The following GALNT13 variants were observed in gnomAD, a reference collection of about 807,000 sequenced individuals.
GALNT13 encodes UDP-GalNAc:polypeptide N-acetylgalactosaminyltransferase 13.
GALNT13 carries 28 observed loss-of-function variants against 64.2 expected under a neutral mutation model. The ratio of observed to expected loss-of-function variants is 0.44; its 90% confidence interval spans 0.32 to 0.60. The LOEUF (loss-of-function observed/expected upper bound fraction) is 0.60. Among genes scored for constraint, GALNT13 ranks in the 20% least tolerant of loss-of-function variants. The pLI is 0.05. For missense variants in GALNT13, 577 were observed against 669.8 expected, an observed-to-expected ratio of 0.86 and a Z score of 1.53; for synonymous variants, 214 against 224.6, an observed-to-expected ratio of 0.95 and a Z score of 0.42.
At chr2:153,826,204 G>A in the GALNT13 span, among the ~76,000 whole-genome samples, 2 of 152,108 alleles carry the variant, frequency 1.3e-5, no homozygotes, top group African/African-American at 2.4e-5. Context: ...GTGGTGCAGG[G>A]TATCACATGA....
the GALNT13 span, among the ~76,000 whole-genome samples, chr2:153,651,415 G>A: frequency 2.0e-3 from 308 of 152,222 alleles, 2 homozygotes; most frequent in African/African-American, 7.0e-3. Flanking sequence ...GTGATTGAAT[G>A]AACAAAAATA....
the GALNT13 span, among the ~76,000 whole-genome samples, chr2:153,197,403 C>T: frequency 6.6e-6 from 1 of 152,190 alleles, no homozygotes; most frequent in Non-Finnish European, 1.5e-5. Context: ...GAGGCAAGCT[C>T]CAGGCATCCA....
the GALNT13 span, among the ~76,000 whole-genome samples, chr2:153,731,339 A>G: frequency 6.6e-6 from 1 of 151,836 alleles, no homozygotes; most frequent in East Asian, 1.9e-4. Flanking sequence ...AATAGATATC[A>G]GAGATTGCAA....
At chr2:154,428,260 A>C (rs1700554183) in intron 11 of GALNT13, among the ~76,000 whole-genome samples, 1 of 152,190 alleles carries the variant, frequency 6.6e-6, no homozygotes, top group East Asian at 1.9e-4. Context: ...GACCTCCGTC[A>C]CTAAGCAGCT....
intron 3 of GALNT13, among the ~76,000 whole-genome samples, chr2:154,021,942 T>G (rs1189130303): frequency 1.3e-5 from 2 of 152,166 alleles, no homozygotes; most frequent in Non-Finnish European, 2.9e-5. Flanking sequence ...AGGCCTTTTC[T>G]GCATCTATTG....
the GALNT13 span, among the ~76,000 whole-genome samples, chr2:153,487,347 T>C: frequency 6.6e-6 from 1 of 152,254 alleles, no homozygotes; most frequent in Non-Finnish European, 1.5e-5. Context: ...AAAGTCAATG[T>C]GATGGATGTC....
chr2:154,182,546 T>G (rs1686016694), intron 4 of GALNT13, among the ~76,000 whole-genome samples: 1 of 151,596 alleles, frequency 6.6e-6, no homozygotes, highest in Non-Finnish European at 1.5e-5. Flanking sequence ...TAAAAATTAT[T>G]GAGGAACCCA....
At chr2:153,629,729 A>C in the GALNT13 span, among the ~76,000 whole-genome samples, 10 of 151,416 alleles carry the variant, frequency 6.6e-5, 1 homozygote, top group South Asian at 4.2e-4. Context: ...AATGGGAGAA[A>C]ATTTTCGCAA....
the GALNT13 span, among the ~76,000 whole-genome samples, chr2:153,567,188 C>T: frequency 1.3e-5 from 2 of 152,154 alleles, no homozygotes; most frequent in Non-Finnish European, 2.9e-5. Flanking sequence ...CTGAGCATGA[C>T]TGAGACCAAA....
the GALNT13 span, among the ~76,000 whole-genome samples, chr2:153,108,720 G>A: frequency 6.6e-6 from 1 of 152,062 alleles, no homozygotes; most frequent in African/African-American, 2.4e-5. Flanking sequence ...AGAAGTTGTA[G>A]TATCAAAAGA....
At chr2:153,371,269 T>C in the GALNT13 span, among the ~76,000 whole-genome samples, 1 of 152,204 alleles carries the variant, frequency 6.6e-6, no homozygotes, top group Non-Finnish European at 1.5e-5. Context: ...CCCTCTAAGT[T>C]CTAGAACAAG....
the GALNT13 span, among the ~76,000 whole-genome samples, chr2:153,640,044 A>C: frequency 6.6e-6 from 1 of 152,138 alleles, no homozygotes; most frequent in African/African-American, 2.4e-5. Context: ...AGGGTGAAGC[A>C]GTTGCCAATT....
At chr2:153,591,109 A>G in the GALNT13 span, among the ~76,000 whole-genome samples, 1 of 152,080 alleles carries the variant, frequency 6.6e-6, no homozygotes, top group Non-Finnish European at 1.5e-5. Flanking sequence ...TGATCACTGA[A>G]TTCAATAAAG....
At chr2:153,585,238 C>A in the GALNT13 span, among the ~76,000 whole-genome samples, 1 of 152,016 alleles carries the variant, frequency 6.6e-6, no homozygotes, top group Non-Finnish European at 1.5e-5. Flanking sequence ...AAAAAACAAA[C>A]CAAATAGAAA....
the GALNT13 span, among the ~76,000 whole-genome samples, chr2:153,591,567 C>A: frequency 2.0e-5 from 3 of 152,066 alleles, no homozygotes; most frequent in East Asian, 5.8e-4. Flanking sequence ...CTACAGTAAC[C>A]AAAACAGCAT....
At chr2:153,959,692 G>C (rs1308240302) in intron 3 of GALNT13, among the ~76,000 whole-genome samples, 2 of 152,210 alleles carry the variant, frequency 1.3e-5, no homozygotes, top group Non-Finnish European at 2.9e-5. Context: ...ACCTGGTGAA[G>C]ATCTCTCCAG....
the GALNT13 span, among the ~76,000 whole-genome samples, chr2:153,274,787 T>G: frequency 6.6e-6 from 1 of 152,248 alleles, no homozygotes; most frequent in Non-Finnish European, 1.5e-5. Context: ...TTCCAGTTGT[T>G]TTCAATCTCT....
At chr2:153,400,719 A>G in the GALNT13 span, among the ~76,000 whole-genome samples, 2,568 of 152,118 alleles carry the variant, frequency 0.017, 76 homozygotes, top group African/African-American at 0.058. Context: ...GCGTAGAGGT[A>G]TTTGTAGTAT....
At chr2:153,256,338 C>G in the GALNT13 span, among the ~76,000 whole-genome samples, 1 of 152,162 alleles carries the variant, frequency 6.6e-6, no homozygotes, top group Non-Finnish European at 1.5e-5. Flanking sequence ...AAGCACTTCT[C>G]TGTATCGGTT....
Sources: gnomAD v4.1 joint callset for allele counts (sites outside exome capture counted in the v4.1 genomes callset) on GRCh38, gnomAD v4.1.1 for gene constraint, MANE v1.5 for transcripts, NCBI Gene and HGNC (gene_info 2026-07-23, HGNC 2026-07-21) for gene names.